Variants in SLC8A1 observed in about 807,000 individuals in gnomAD.
SLC8A1 encodes the protein solute carrier family 8 member A1.
SLC8A1 carries 18 observed loss-of-function variants against 68.3 expected under a neutral mutation model. The observed-to-expected ratio is 0.26, with a 90% confidence interval of 0.18 to 0.39. The LOEUF is 0.39. SLC8A1 is among the 10% of genes least tolerant of loss of function. The probability of loss-of-function intolerance (pLI) is 1.00; values close to 1 mark genes in which losing one functional copy is unlikely to be tolerated. For synonymous variants in SLC8A1, 475 were observed against 415.5 expected, an observed-to-expected ratio of 1.14 and a Z score of -1.74; for missense variants, 985 against 1,156.7, an observed-to-expected ratio of 0.85 and a Z score of 2.15.
chr2:40,179,213 C>G (rs548302442), intron 2 of SLC8A1, among the ~76,000 whole-genome samples: 1 of 152,156 alleles, frequency 6.6e-6, no homozygotes, highest in Non-Finnish European at 1.5e-5. Flanking sequence ...GGGGTGGCAG[C>G]AGGTGCGAGT....
chr2:40,209,204 A>G (rs953563764), intron 2 of SLC8A1: 10 of 152,158 alleles, frequency 6.6e-5, no homozygotes, highest in African/African-American at 2.4e-4. Context: ...GAAATCTGAA[A>G]TAGGATCATC....
chr2:40,416,222 ATT>A (rs1693834841), intron 2 of SLC8A1, among the ~76,000 whole-genome samples: 1 of 152,116 alleles, frequency 6.6e-6, no homozygotes, highest in African/African-American at 2.4e-5. Context: ...AATAAGTTAT[ATT>A]GTTATCCTAA....
chr2:40,233,372 T>C (rs1036531595), intron 2 of SLC8A1, among the ~76,000 whole-genome samples: 3 of 151,912 alleles, frequency 2.0e-5, no homozygotes, highest in South Asian at 2.1e-4. Context: ...TTTCATGTGT[T>C]TTTTGGCTGC....
intron 2 of SLC8A1, among the ~76,000 whole-genome samples, chr2:40,355,973 C>A (rs774883580): frequency 6.6e-6 from 1 of 152,086 alleles, no homozygotes; most frequent in Non-Finnish European, 1.5e-5. Context: ...ATTGAACCTA[C>A]GACATGCCAA....
chr2:40,466,362 G>C (rs1442330891), intron 1 of SLC8A1, among the ~76,000 whole-genome samples: 1 of 152,164 alleles, frequency 6.6e-6, no homozygotes. Flanking sequence ...TACCCGTCAG[G>C]AAGCTGGGGC....
chr2:40,475,574 C>T (rs1704242246), intron 1 of SLC8A1, among the ~76,000 whole-genome samples: 2 of 151,722 alleles, frequency 1.3e-5, no homozygotes, highest in African/African-American at 4.8e-5. Flanking sequence ...ACCCATTATG[C>T]ATTAACATAA....
At chr2:40,449,714 C>T (rs1702089125) in intron 1 of SLC8A1, among the ~76,000 whole-genome samples, 1 of 151,862 alleles carries the variant, frequency 6.6e-6, no homozygotes, top group African/African-American at 2.4e-5. Flanking sequence ...AGAAAATAAG[C>T]CTTCATATTT....
At chr2:40,394,618 G>T (rs769764197) in intron 2 of SLC8A1, among the ~76,000 whole-genome samples, 4 of 152,054 alleles carry the variant, frequency 2.6e-5, no homozygotes, top group Non-Finnish European at 5.9e-5. Flanking sequence ...AATAAAGTTT[G>T]TGAACCTATT....
At chr2:40,370,300 C>G (rs1159032542) in intron 2 of SLC8A1, among the ~76,000 whole-genome samples, 3 of 152,086 alleles carry the variant, frequency 2.0e-5, no homozygotes, top group African/African-American at 7.2e-5. Context: ...AAACAGGGTA[C>G]AGGACACCAG....
chr2:40,395,379 C>G (rs1057130173), intron 2 of SLC8A1, among the ~76,000 whole-genome samples: 3 of 152,138 alleles, frequency 2.0e-5, no homozygotes, highest in Non-Finnish European at 4.4e-5. Context: ...CTATCTAGAA[C>G]TGTGTGCAGG....
chr2:40,317,221 G>A (rs1351639642), intron 2 of SLC8A1, among the ~76,000 whole-genome samples: 1 of 151,948 alleles, frequency 6.6e-6, no homozygotes, highest in South Asian at 2.1e-4. Flanking sequence ...TCTCTTGTTC[G>A]ACTAACTCCT....
At chr2:40,284,149 C>T (rs1479198464) in intron 2 of SLC8A1, among the ~76,000 whole-genome samples, 1 of 151,854 alleles carries the variant, frequency 6.6e-6, no homozygotes, top group African/African-American at 2.4e-5. Flanking sequence ...CAAAAGTGTG[C>T]TTTCTCTCTC....
chr2:40,139,575 A>T (rs1341900894), exon 7 of SLC8A1: 2 of 1,614,100 alleles, frequency 1.2e-6, no homozygotes, highest in East Asian at 4.5e-5. Flanking sequence ...GGGGGGACGA[A>T]GGCAAACAGG....
intron 7 of SLC8A1, among the ~76,000 whole-genome samples, chr2:40,133,648 C>A (rs1458046914): frequency 6.6e-6 from 1 of 151,852 alleles, no homozygotes; most frequent in Non-Finnish European, 1.5e-5. Flanking sequence ...TCAGGCACAA[C>A]CCCCACCAAG....
In SLC8A1 at chr2:40,270,128, C is replaced by A. The variant is rs147064730; in HGVS notation, c.1809-92273G>T. ...CTGAGGCATAAGGAAGGGCATAAAG[C>A]CCCAGAATGACTACCACTGTGTCTA... is the stretch of plus-strand genomic sequence containing the variant. On this transcript the variant is annotated intron_variant, in intron 2 of 7. Coordinates refer to ENST00000406785, the Ensembl canonical transcript of SLC8A1. Among the ~76,000 whole-genome samples, 799 of 152,274 alleles carry A rather than the reference C, an allele frequency of 5.2e-3. 8 individuals carry two copies. Among genetic ancestry groups the A allele is most frequent in the African/African-American group, 0.018 (744 of 41,564 alleles).
chr2:40,264,695 T>A (rs1401447150), intron 2 of SLC8A1, among the ~76,000 whole-genome samples: 1 of 152,104 alleles, frequency 6.6e-6, no homozygotes, highest in Non-Finnish European at 1.5e-5. Context: ...CTCTGAGGAC[T>A]GTTGTGGGGT....
intron 7 of SLC8A1, among the ~76,000 whole-genome samples, chr2:40,133,701 TCCC>T (rs111377369): frequency 7.5e-5 from 4 of 53,046 alleles, no homozygotes; most frequent in South Asian, 8.7e-4. Flanking sequence ...GGGGCAAAAA[TCCC>T]CCCCCCCCAC....
At chr2:40,180,891 C>T (rs1036526223) in intron 2 of SLC8A1, among the ~76,000 whole-genome samples, 1 of 151,874 alleles carries the variant, frequency 6.6e-6, no homozygotes. Context: ...AATAAATCAC[C>T]AAACAACATA....
At chr2:40,467,735 A>T (rs943263663) in intron 1 of SLC8A1, among the ~76,000 whole-genome samples, 2 of 152,140 alleles carry the variant, frequency 1.3e-5, no homozygotes, top group Non-Finnish European at 2.9e-5. Context: ...CCCAAAGAAA[A>T]CAATGGTGGT....
Sources: allele counts gnomAD v4.1 joint callset (sites outside exome capture counted in the v4.1 genomes callset), GRCh38; gene constraint gnomAD v4.1.1; transcripts MANE v1.5; gene names NCBI Gene and HGNC (gene_info 2026-07-23, HGNC 2026-07-21).